RHOJ: variants seen among roughly 807,000 people sequenced by gnomAD.
RHOJ encodes the protein rho-related GTP-binding protein RhoJ.
A neutral mutation model predicts 23.4 loss-of-function variants in RHOJ; 11 were observed. The ratio of observed to expected loss-of-function variants is 0.47; its 90% confidence interval spans 0.30 to 0.78. The LOEUF is 0.78. RHOJ is among the 30% of genes least tolerant of loss of function. RHOJ has a pLI of 0.08. For synonymous variants in RHOJ, 102 were observed against 102.7 expected (o/e 0.99, Z 0.04); for missense variants, 254 against 273.4 (o/e 0.93, Z 0.50).
chr14:63,288,074 T>A, intron 4 of RHOJ: 1 of 627,126 alleles, frequency 1.6e-6, no homozygotes, highest in South Asian at 7.1e-5. Context: ...TTCTCACACG[T>A]GTTTCCCAAA....
chr14:63,285,876 A>G (rs1001960916), intron 4 of RHOJ, among the ~76,000 whole-genome samples: 1 of 152,312 alleles, frequency 6.6e-6, no homozygotes, highest in East Asian at 1.9e-4. Context: ...CAGTCTAAAC[A>G]TGATCTTCTA....
chr14:63,212,938 C>G (rs1277583589), intron 1 of RHOJ, among the ~76,000 whole-genome samples: 1 of 152,164 alleles, frequency 6.6e-6, no homozygotes, highest in Non-Finnish European at 1.5e-5. Context: ...AATGTTTTGC[C>G]ACAGTATAAC....
At chr14:63,264,853 A>G (rs563944916) in intron 1 of RHOJ, among the ~76,000 whole-genome samples, 2 of 152,150 alleles carry the variant, frequency 1.3e-5, no homozygotes, top group East Asian at 3.9e-4. Flanking sequence ...TGTCTTTATT[A>G]AAAAGTTTTT....
intron 1 of RHOJ, among the ~76,000 whole-genome samples, chr14:63,259,150 G>T (rs1163465718): frequency 1.3e-5 from 2 of 152,146 alleles, no homozygotes; most frequent in Non-Finnish European, 2.9e-5. Context: ...ATGTTGGCCA[G>T]GCTGGTCTCA....
intron 2 of RHOJ, among the ~76,000 whole-genome samples, chr14:63,279,462 T>C (rs1201907519): frequency 6.6e-6 from 1 of 152,232 alleles, no homozygotes; most frequent in Non-Finnish European, 1.5e-5. Context: ...CTAAATTCTA[T>C]AAAAACATAT....
rs550846031 is a variant in RHOJ at position 63,207,637 on chromosome 14, G to A, written c.178+2590G>A. 4.6e-5 allele frequency among the ~76,000 whole-genome samples: 7 copies of A among 152,266 alleles called. No homozygotes were observed. The East Asian group carries it at 1.2e-3, about 25-fold the overall frequency. ...TTTTTACTAATAACTGCCCAACCCAGAAAAGTAGAGATAAAATAGTAAGGA... is the reference window on the plus strand; with the variant it reads ...TTTTTACTAATAACTGCCCAACCCAAAAAAGTAGAGATAAAATAGTAAGGA... On this transcript the variant is annotated intron_variant, in intron 1 of 4. Transcript: ENST00000316754.
At chr14:63,261,696 C>T (rs546521462) in intron 1 of RHOJ, among the ~76,000 whole-genome samples, 1 of 152,148 alleles carries the variant, frequency 6.6e-6, no homozygotes, top group Middle Eastern at 3.4e-3. Flanking sequence ...CTGCCTCAGC[C>T]TCCCAAAGTG....
At chr14:63,286,657 G>T (rs958031933) in intron 4 of RHOJ, among the ~76,000 whole-genome samples, 1 of 152,128 alleles carries the variant, frequency 6.6e-6, no homozygotes, top group Non-Finnish European at 1.5e-5. Flanking sequence ...TCAGAAGGTC[G>T]AGCAACTCTA....
chr14:63,217,280 T>G (rs1179637825), intron 1 of RHOJ, among the ~76,000 whole-genome samples: 1 of 140,120 alleles, frequency 7.1e-6, no homozygotes, highest in Non-Finnish European at 1.5e-5. Context: ...ATGTTCCCCT[T>G]CCTGTGTCCA....
intron 1 of RHOJ, among the ~76,000 whole-genome samples, chr14:63,249,294 A>G (rs1049540154): frequency 1.3e-5 from 2 of 152,216 alleles, no homozygotes; most frequent in African/African-American, 4.8e-5. Context: ...AGGGCTAACA[A>G]GTGCATAGTC....
chr14:63,259,593 G>T (rs900129788), intron 1 of RHOJ, among the ~76,000 whole-genome samples: 1 of 152,134 alleles, frequency 6.6e-6, no homozygotes, highest in African/African-American at 2.4e-5. Context: ...CAAATTCTGA[G>T]AACATACTTA....
intron 4 of RHOJ, among the ~76,000 whole-genome samples, chr14:63,284,638 T>A (rs1464730246): frequency 6.6e-6 from 1 of 152,240 alleles, no homozygotes; most frequent in Non-Finnish European, 1.5e-5. Context: ...TACCTTCTCC[T>A]CAAACATTCA....
At chr14:63,242,376 A>G (rs1468736563) in intron 1 of RHOJ, among the ~76,000 whole-genome samples, 1 of 152,202 alleles carries the variant, frequency 6.6e-6, no homozygotes, top group African/African-American at 2.4e-5. Flanking sequence ...CCTGGGCACC[A>G]TGTAACATAG....
At chr14:63,231,843 A>G (rs1415113412) in intron 1 of RHOJ, among the ~76,000 whole-genome samples, 4 of 152,194 alleles carry the variant, frequency 2.6e-5, no homozygotes, top group African/African-American at 9.6e-5. Context: ...GTAATATCTC[A>G]TCTCATAGAC....
At chr14:63,254,427 T>G (rs1895126709) in intron 1 of RHOJ, among the ~76,000 whole-genome samples, 5 of 152,082 alleles carry the variant, frequency 3.3e-5, no homozygotes, top group Admixed American at 3.3e-4. Flanking sequence ...CTGAGAAATG[T>G]ATGTGCTCCT....
At chr14:63,236,337 T>C (rs1894788949) in intron 1 of RHOJ, among the ~76,000 whole-genome samples, 1 of 152,190 alleles carries the variant, frequency 6.6e-6, no homozygotes. Flanking sequence ...ACGCTGCTGA[T>C]AAAGACATAC....
intron 2 of RHOJ, 132 bp downstream of exon 2, chr14:63,269,300 C>A: frequency 1.7e-6 from 1 of 577,246 alleles, no homozygotes; most frequent in Non-Finnish European, 3.0e-6. Context: ...TTATTGTCTG[C>A]CTAAATGACG....
At chr14:63,275,995 C>T (rs1218554888) in intron 2 of RHOJ, among the ~76,000 whole-genome samples, 1 of 152,196 alleles carries the variant, frequency 6.6e-6, no homozygotes, top group African/African-American at 2.4e-5. Flanking sequence ...TCCCAATAGC[C>T]CAGGTGTGAG....
intron 2 of RHOJ, among the ~76,000 whole-genome samples, chr14:63,270,829 T>C (rs1198356102): frequency 6.6e-6 from 1 of 152,196 alleles, no homozygotes; most frequent in Non-Finnish European, 1.5e-5. Flanking sequence ...CGAAAAAGTC[T>C]CTCTGTCCCC....
Sources: gnomAD v4.1 joint callset for allele counts (sites outside exome capture counted in the v4.1 genomes callset) on GRCh38, gnomAD v4.1.1 for gene constraint, MANE v1.5 for transcripts, NCBI Gene and HGNC (gene_info 2026-07-23, HGNC 2026-07-21) for gene names.